DST: variants seen among roughly 807,000 people sequenced by gnomAD.
DST encodes the protein bullous pemphigoid antigen.
DST carries 253 observed loss-of-function variants against 875.2 expected under a neutral mutation model. The ratio of observed to expected loss-of-function variants is 0.29; its 90% CI spans 0.26 to 0.32. DST has a LOEUF of 0.32. Ranked by LOEUF, DST falls within the 10% of genes least tolerant of loss-of-function variation. The pLI is 1.00. For missense variants in DST, 8,287 were observed against 9,111.6 expected (o/e 0.91, Z 3.68); for synonymous variants, 3,124 against 3,197.1 (o/e 0.98, Z 0.77).
intron 4 of DST, among the ~76,000 whole-genome samples, chr6:56,785,127 T>A (rs1410034163): frequency 6.6e-6 from 1 of 152,218 alleles, no homozygotes. Context: ...GAGGTGTCAG[T>A]CTGCCCCTAC....
chr6:56,492,442 G>A lies in DST; in HGVS notation c.20551-9C>T. On this transcript the variant is annotated splice_polypyrimidine_tract_variant and intron_variant, in intron 84 of 103. Coordinates refer to ENST00000680361, the MANE Select transcript of DST (RefSeq NM_001374736.1). ...ACTTCATTGGCAAAAACCTTTCCCA[G>A]AAAAAAAGGAAATAAGTAGAAACAA... 5 of 1,597,064 alleles carry A rather than the reference G, an allele frequency of 3.1e-6. No homozygotes were observed. The highest frequency in any genetic ancestry group is 3.6e-5 in the Admixed American group (2 of 55,588).
intron 4 of DST, among the ~76,000 whole-genome samples, chr6:56,794,995 C>T (rs959999716): frequency 6.6e-6 from 1 of 152,068 alleles, no homozygotes; most frequent in Non-Finnish European, 1.5e-5. Context: ...AGCTTTTAAA[C>T]ATAAATAGGT....
intron 4 of DST, among the ~76,000 whole-genome samples, chr6:56,769,074 C>A (rs1486800167): frequency 6.6e-6 from 1 of 152,004 alleles, no homozygotes; most frequent in Non-Finnish European, 1.5e-5. Context: ...CCAAAATATA[C>A]AAAGAAATCT....
In DST at chr6:56,639,239, A is replaced by C; in HGVS notation, c.2964+20T>G. ...ATCATATCAATATTCAACCAACACC[A>C]TTACACTTTCCAGCTTTACCTCAAT... On this transcript the variant is annotated intron_variant, in intron 22 of 103. Transcript: ENST00000680361. 1 of 1,583,244 alleles carries C rather than the reference A, an allele frequency of 6.3e-7. No homozygotes were observed. Among genetic ancestry groups the C allele is most frequent in the Non-Finnish European group, 8.7e-7 (1 of 1,152,232 alleles).
intron 4 of DST, among the ~76,000 whole-genome samples, chr6:56,801,101 C>G (rs1352482126): frequency 6.7e-6 from 1 of 149,494 alleles, no homozygotes; most frequent in Non-Finnish European, 1.5e-5. Context: ...TGTCTTCAAA[C>G]TTTTTACATT....
At chr6:56,487,338 T>G (rs1213706798) in intron 86 of DST, 65 bp from the exon 87 acceptor site, 2 of 1,328,528 alleles carry the variant, frequency 1.5e-6, no homozygotes, top group African/African-American at 2.9e-5. Flanking sequence ...TAAGAGGCAT[T>G]AACAGAGGCA....
chr6:56,472,275 G>GT, intron 93 of DST, 53 bp from the exon 94 acceptor site: 1 of 1,551,848 alleles, frequency 6.4e-7, no homozygotes. Context: ...GCTGAAATGT[G>GT]TTAAGGCTTG....
chr6:56,675,744 C>T (rs1026681493), intron 9 of DST, among the ~76,000 whole-genome samples: 2 of 151,950 alleles, frequency 1.3e-5, no homozygotes, highest in Non-Finnish European at 2.9e-5. Flanking sequence ...CCCAGCTACT[C>T]GGGAGGCTGA....
intron 2 of DST, among the ~76,000 whole-genome samples, chr6:56,917,142 C>A (rs1415791707): frequency 1.3e-5 from 2 of 152,158 alleles, no homozygotes; most frequent in African/African-American, 4.8e-5. Context: ...GGGGCTGAAC[C>A]TTTGCCCTTG....
intron 9 of DST, among the ~76,000 whole-genome samples, chr6:56,678,248 T>A (rs2099140239): frequency 6.6e-6 from 1 of 152,240 alleles, no homozygotes; most frequent in South Asian, 2.1e-4. Flanking sequence ...TTTCAGCCAG[T>A]CATACACCTA....
At chr6:56,850,235 C>A (rs1162429516) in intron 4 of DST, among the ~76,000 whole-genome samples, 1 of 152,114 alleles carries the variant, frequency 6.6e-6, no homozygotes, top group African/African-American at 2.4e-5. Context: ...GCCCCAGAAA[C>A]CCTGACTAGA....
At position 56,722,784 on chromosome 6, in the gene DST, T is replaced by C. The variant is rs531674630; in HGVS notation, c.687+12444A>G. ...AAAAGCGGCTATAAAGGTAAGTAAATAGCTGAACATGTACAAAGGCAGGGA... is the reference window on the plus strand; with the variant it reads ...AAAAGCGGCTATAAAGGTAAGTAAACAGCTGAACATGTACAAAGGCAGGGA... On this transcript the variant is annotated intron_variant, in intron 5 of 103. Transcript: ENST00000680361. 5.9e-5 allele frequency among the ~76,000 whole-genome samples: 9 copies of C among 152,312 alleles called. No homozygotes were observed. In the South Asian group the frequency reaches 1.7e-3, roughly 28 times the overall value.
chr6:56,481,255 T>C (rs1483250710), intron 90 of DST, among the ~76,000 whole-genome samples: 2 of 152,212 alleles, frequency 1.3e-5, no homozygotes, highest in Non-Finnish European at 2.9e-5. Context: ...TTTACTGGTG[T>C]TTAAAAGATC....
chr6:56,753,651 C>T (rs2099594480), intron 4 of DST, among the ~76,000 whole-genome samples: 1 of 151,960 alleles, frequency 6.6e-6, no homozygotes, highest in South Asian at 2.1e-4. Flanking sequence ...GTAATGGCAA[C>T]ATCAGAGGCA....
chr6:56,664,097 A>C (rs2099059043), intron 10 of DST, among the ~76,000 whole-genome samples: 1 of 152,112 alleles, frequency 6.6e-6, no homozygotes, highest in African/African-American at 2.4e-5. Context: ...CTCTAGTTTT[A>C]GTCTTGACAT....
At chr6:56,462,391 C>T (rs1562140609) in intron 102 of DST, among the ~76,000 whole-genome samples, 1 of 152,082 alleles carries the variant, frequency 6.6e-6, no homozygotes, top group South Asian at 2.1e-4. Flanking sequence ...TTAGAGCATG[C>T]TTAAATTAGT....
chr6:56,773,933 C>A (rs2099672580), intron 4 of DST, among the ~76,000 whole-genome samples: 1 of 151,892 alleles, frequency 6.6e-6, no homozygotes. Flanking sequence ...GTTTGGCCAA[C>A]ATGGTGAGAA....
chr6:56,891,837 C>A (rs1395987505), intron 3 of DST, among the ~76,000 whole-genome samples: 1 of 152,162 alleles, frequency 6.6e-6, no homozygotes, highest in Admixed American at 6.5e-5. Context: ...AAAAAACACT[C>A]CTCAGAATGG....
chr6:56,489,706 T>C, intron 85 of DST, 97 bp from the exon 86 acceptor site: 1 of 1,130,012 alleles, frequency 8.8e-7, no homozygotes, highest in Non-Finnish European at 1.2e-6. Flanking sequence ...GTGATGAAAA[T>C]CCTGAAAATT....
Sources: gnomAD v4.1 joint callset for allele counts (sites outside exome capture counted in the v4.1 genomes callset) on GRCh38, gnomAD v4.1.1 for gene constraint, MANE v1.5 for transcripts, NCBI Gene and HGNC (gene_info 2026-07-23, HGNC 2026-07-21) for gene names.